ITFG1: variants seen among roughly 807,000 people sequenced by gnomAD.
ITFG1 encodes the protein T-cell immunomodulatory protein.
A neutral mutation model predicts 81.8 loss-of-function variants in ITFG1; 34 were observed. The ratio of observed to expected loss-of-function variants is 0.42; its 90% confidence interval spans 0.32 to 0.55. The LOEUF (loss-of-function observed/expected upper bound fraction) is 0.55, where lower values mean the gene tolerates loss of function less well. ITFG1 is among the 20% of genes least tolerant of loss of function. The probability of loss-of-function intolerance (pLI) is 0.17; values close to 1 mark genes in which losing one functional copy is unlikely to be tolerated. For missense variants in ITFG1, 672 were observed against 755.4 expected (o/e 0.89, Z 1.29); for synonymous variants, 285 against 270.6 (o/e 1.05, Z -0.52).
chr16:47,356,412 C>T (rs1266889897), intron 8 of ITFG1, among the ~76,000 whole-genome samples: 1 of 152,118 alleles, frequency 6.6e-6, no homozygotes, highest in Non-Finnish European at 1.5e-5. Context: ...ATATTAGTTA[C>T]AGAGGGTGAT....
At position 47,452,867 on chromosome 16, in the gene ITFG1, ATTC is replaced by A. The variant is rs527739086; in HGVS notation, c.428-80_428-78del. ...TTGATATCTATGCTTAGGAAAAAAT[ATTC>A]TTCTACTCTTTTCTAGATTTATCTC... On this transcript the variant is annotated intron_variant, in intron 3 of 17. Transcript: ENST00000320640. 34 of 690,836 alleles carry A rather than the reference ATTC, an allele frequency of 4.9e-5. No homozygotes were observed. In the East Asian group the frequency reaches 5.5e-4, roughly 11 times the overall value. 42.8% of individuals were successfully genotyped at this position (690,836 alleles called of 1,614,324 possible).
chr16:47,370,913 A>G (rs142058387), intron 7 of ITFG1, among the ~76,000 whole-genome samples: 4 of 152,306 alleles, frequency 2.6e-5, no homozygotes, highest in African/African-American at 9.6e-5. Context: ...TTGAAACTAT[A>G]TATTATTGTT....
At chr16:47,457,635 A>G (rs894091215) in intron 2 of ITFG1, among the ~76,000 whole-genome samples, 1 of 152,178 alleles carries the variant, frequency 6.6e-6, no homozygotes. Flanking sequence ...AAGAATAGTT[A>G]TTTTTACTTT....
chr16:47,170,192 A>G (rs543808651), intron 14 of ITFG1, among the ~76,000 whole-genome samples: 1 of 152,320 alleles, frequency 6.6e-6, no homozygotes, highest in Admixed American at 6.5e-5. Flanking sequence ...TGCTGGTCTC[A>G]CAGAATGTGT....
chr16:47,378,444 C>T lies in ITFG1; in HGVS notation c.656-2504G>A, dbSNP rs113296823. On this transcript the variant is annotated intron_variant, in intron 6 of 17. Coordinates refer to ENST00000320640, the MANE Select transcript of ITFG1 (RefSeq NM_030790.5). Reference sequence around the variant, plus strand: ...GGTGTAACTACCAGCAATTTATCGCCGCTCCTTGAAAACCAATTCAAAAAT... The same window carrying T: ...GGTGTAACTACCAGCAATTTATCGCTGCTCCTTGAAAACCAATTCAAAAAT... Among the ~76,000 whole-genome samples, 291 of 152,212 alleles carry T rather than the reference C, an allele frequency of 1.9e-3. 3 individuals are homozygous for T. The highest frequency in any genetic ancestry group is 6.8e-3 in the African/African-American group (282 of 41,532).
At chr16:47,310,831 G>C (rs189575318) in intron 10 of ITFG1, among the ~76,000 whole-genome samples, 5 of 152,258 alleles carry the variant, frequency 3.3e-5, no homozygotes, top group Non-Finnish European at 7.4e-5. Flanking sequence ...TGAAGAGTCT[G>C]AGTAATATGA....
rs13332361 is a variant in ITFG1 at position 47,359,380 on chromosome 16, T to A, written c.802+6408A>T. ...AGAACTCCAGAGTTCCTCTTCCTAC[T>A]CCTTTCCTACCTCATCAAATGGCGC... On this transcript the variant is annotated intron_variant, in intron 8 of 17. Transcript: ENST00000320640. 2.9e-3 allele frequency among the ~76,000 whole-genome samples: 443 copies of A among 152,292 alleles called. 2 individuals are homozygous for A. The highest frequency in any genetic ancestry group is 0.01 in the African/African-American group (421 of 41,578).
intron 13 of ITFG1, among the ~76,000 whole-genome samples, chr16:47,231,203 G>A (rs942081379): frequency 3.3e-5 from 5 of 152,150 alleles, no homozygotes; most frequent in South Asian, 2.1e-4. Context: ...CTTTTAAACC[G>A]TCTGTTCTCC....
chr16:47,176,888 A>T (rs1240637729), intron 14 of ITFG1, among the ~76,000 whole-genome samples: 1 of 151,784 alleles, frequency 6.6e-6, no homozygotes, highest in Non-Finnish European at 1.5e-5. Context: ...ATACACTATC[A>T]CTTGCTTTCC....
rs796569474 is a variant in ITFG1, at chr16:47,163,934, C to T, written c.1454-1270G>A. ...TCAACTACACACACACACACACACA[C>T]ACACACACACACACACACATACACA... On this transcript the variant is annotated intron_variant, in intron 14 of 17. Transcript: ENST00000320640. Among the ~76,000 whole-genome samples the T allele has an allele frequency of 4.2e-3, 622 of 148,318 alleles. 3 individuals carry two copies. The highest frequency in any genetic ancestry group is 0.015 in the African/African-American group (593 of 38,366).
intron 14 of ITFG1, among the ~76,000 whole-genome samples, chr16:47,211,471 A>G (rs1188951686): frequency 6.6e-6 from 1 of 152,088 alleles, no homozygotes; most frequent in Admixed American, 6.6e-5. Flanking sequence ...TGTCATCTGG[A>G]AATAGTGATG....
chr16:47,323,898 G>C (rs1329724214), intron 8 of ITFG1, among the ~76,000 whole-genome samples: 1 of 152,000 alleles, frequency 6.6e-6, no homozygotes, highest in African/African-American at 2.4e-5. Flanking sequence ...AGAGGAAGAC[G>C]GGACTAGATT....
chr16:47,372,788 A>C (rs1596939153), intron 7 of ITFG1, among the ~76,000 whole-genome samples: 3 of 152,306 alleles, frequency 2.0e-5, no homozygotes, highest in Admixed American at 2.0e-4. Context: ...AGAAAACACA[A>C]GTAAGCACTG....
intron 7 of ITFG1, among the ~76,000 whole-genome samples, chr16:47,368,425 C>T (rs1219493546): frequency 8.6e-5 from 13 of 150,366 alleles, no homozygotes; most frequent in Non-Finnish European, 1.9e-4. Flanking sequence ...TTTGGTAGTG[C>T]ACACCTGTAA....
chr16:47,293,381 T>C (rs970669789), intron 10 of ITFG1, among the ~76,000 whole-genome samples: 2 of 151,966 alleles, frequency 1.3e-5, no homozygotes, highest in African/African-American at 4.8e-5. Flanking sequence ...AGTAGTGGGA[T>C]TGCTGCATCG....
At chr16:47,442,594 T>C (rs1439167572) in intron 5 of ITFG1, among the ~76,000 whole-genome samples, 5 of 152,022 alleles carry the variant, frequency 3.3e-5, no homozygotes, top group African/African-American at 4.8e-5. Flanking sequence ...AGAAATAATG[T>C]CGCATATCTA....
At chr16:47,371,860 G>A (rs559071347) in intron 7 of ITFG1, among the ~76,000 whole-genome samples, 8 of 151,424 alleles carry the variant, frequency 5.3e-5, no homozygotes, top group South Asian at 2.1e-4. Context: ...ATGTGCCAAC[G>A]CTGAAAAATT....
intron 10 of ITFG1, among the ~76,000 whole-genome samples, chr16:47,305,259 C>A (rs1215306344): frequency 1.3e-5 from 2 of 152,130 alleles, no homozygotes; most frequent in African/African-American, 4.8e-5. Flanking sequence ...GACCCACTGT[C>A]AGTAAGAATA....
intron 3 of ITFG1, among the ~76,000 whole-genome samples, chr16:47,453,011 C>G (rs1355276470): frequency 6.6e-6 from 1 of 152,142 alleles, no homozygotes; most frequent in Admixed American, 6.5e-5. Context: ...ACTAGCATTA[C>G]AATAACCTCC....
Sources: allele counts gnomAD v4.1 joint callset (sites outside exome capture counted in the v4.1 genomes callset), GRCh38; gene constraint gnomAD v4.1.1; transcripts MANE v1.5; gene names NCBI Gene and HGNC (gene_info 2026-07-23, HGNC 2026-07-21).